Variants in GRK5 observed in about 807,000 individuals in gnomAD.
The protein encoded by GRK5 is G protein-coupled receptor kinase 5.
A neutral mutation model predicts 78.4 loss-of-function variants in GRK5; 40 were observed. That is an observed-to-expected ratio of 0.51 (90% CI 0.40 to 0.66). The LOEUF (loss-of-function observed/expected upper bound fraction) is 0.66, where lower values mean the gene tolerates loss of function less well. Ranked by LOEUF, GRK5 falls within the 30% of genes least tolerant of loss-of-function variation. The pLI is 0.00. For synonymous variants in GRK5, 289 were observed against 296.8 expected, an observed-to-expected ratio of 0.97 and a Z score of 0.27; for missense variants, 598 against 759.9, an observed-to-expected ratio of 0.79 and a Z score of 2.50.
chr10:119,425,681 G>A (rs114208434), intron 6 of GRK5, among the ~76,000 whole-genome samples: 26 of 152,332 alleles, frequency 1.7e-4, no homozygotes, highest in Non-Finnish European at 2.4e-4. Flanking sequence ...TGCTGTTCTC[G>A]TCTTTTCCTA....
intron 2 of GRK5, among the ~76,000 whole-genome samples, chr10:119,335,173 T>TCTCTCTCTCTCTCTCTCC (rs1850857396): frequency 8.1e-6 from 1 of 123,698 alleles, no homozygotes; most frequent in Non-Finnish European, 1.7e-5. Flanking sequence ...TCTCTCTCTC[T>TCTCTCTCTCTCTCTCTCC]CTCCCCCTCT....
intron 4 of GRK5, among the ~76,000 whole-genome samples, chr10:119,416,136 T>C (rs1204387056): frequency 6.6e-6 from 1 of 152,184 alleles, no homozygotes; most frequent in Non-Finnish European, 1.5e-5. Context: ...GTACAACTGA[T>C]TCCATCTCCA....
intron 1 of GRK5, among the ~76,000 whole-genome samples, chr10:119,230,305 G>A (rs888013967): frequency 1.3e-5 from 2 of 152,048 alleles, no homozygotes; most frequent in Non-Finnish European, 1.5e-5. Context: ...AGGCAATATG[G>A]TAAGACCCAT....
chr10:119,385,707 A>G (rs1258427354), intron 3 of GRK5, among the ~76,000 whole-genome samples: 1 of 152,160 alleles, frequency 6.6e-6, no homozygotes, highest in African/African-American at 2.4e-5. Context: ...TGGAGTAAGG[A>G]TGAGGCTGCA....
At chr10:119,299,160 C>T (rs758605886) in intron 1 of GRK5, among the ~76,000 whole-genome samples, 2 of 152,142 alleles carry the variant, frequency 1.3e-5, no homozygotes, top group Admixed American at 6.5e-5. Flanking sequence ...AATTATCTTT[C>T]GGCCAGGCGC....
intron 2 of GRK5, among the ~76,000 whole-genome samples, chr10:119,331,032 C>T (rs1850767895): frequency 6.6e-6 from 1 of 152,184 alleles, no homozygotes; most frequent in African/African-American, 2.4e-5. Context: ...TGTCCCTCAG[C>T]TTCCAGTCTG....
intron 1 of GRK5, among the ~76,000 whole-genome samples, chr10:119,292,229 T>C (rs1323243516): frequency 3.8e-3 from 264 of 69,996 alleles, no homozygotes; most frequent in Middle Eastern, 0.017. Context: ...TCTTCCTCCT[T>C]CTCCTCCTAT....
intron 8 of GRK5, among the ~76,000 whole-genome samples, chr10:119,434,933 C>T (rs921129625): frequency 5.3e-5 from 8 of 152,244 alleles, no homozygotes; most frequent in South Asian, 2.1e-4. Flanking sequence ...GAAATCTAGG[C>T]GGAGGTTCCC....
At chr10:119,214,276 C>G (rs1432271256) in intron 1 of GRK5, among the ~76,000 whole-genome samples, 1 of 152,044 alleles carries the variant, frequency 6.6e-6, no homozygotes, top group African/African-American at 2.4e-5. Flanking sequence ...CACTCAGTCT[C>G]TTTTGATGTT....
chr10:119,325,369 G>A (rs1303172911), intron 1 of GRK5, among the ~76,000 whole-genome samples: 6 of 152,180 alleles, frequency 3.9e-5, no homozygotes, highest in African/African-American at 1.4e-4. Flanking sequence ...GGCTGGGAGA[G>A]GGCTGGAGCT....
At chr10:119,370,349 A>T (rs1276076679) in intron 2 of GRK5, among the ~76,000 whole-genome samples, 1 of 152,174 alleles carries the variant, frequency 6.6e-6, no homozygotes, top group Non-Finnish European at 1.5e-5. Context: ...TGGGCTTAAT[A>T]ATTTCGATCC....
At chr10:119,235,069 A>G (rs1334751857) in intron 1 of GRK5, among the ~76,000 whole-genome samples, 1 of 151,812 alleles carries the variant, frequency 6.6e-6, no homozygotes, top group Non-Finnish European at 1.5e-5. Flanking sequence ...CTGCCTTCCC[A>G]GGCTTGGGTG....
intron 1 of GRK5, among the ~76,000 whole-genome samples, chr10:119,286,164 C>A (rs191105721): frequency 6.6e-6 from 1 of 150,672 alleles, no homozygotes; most frequent in South Asian, 2.1e-4. Context: ...CATTATGAAG[C>A]GTTTCAAATG....
intron 3 of GRK5, among the ~76,000 whole-genome samples, chr10:119,395,035 G>A (rs1489869903): frequency 6.8e-6 from 1 of 147,044 alleles, no homozygotes; most frequent in Non-Finnish European, 1.5e-5. Context: ...GACCTCTGGG[G>A]AGAGGCTCTG....
At chr10:119,411,048 G>T (rs781041924) in intron 4 of GRK5, among the ~76,000 whole-genome samples, 1 of 151,872 alleles carries the variant, frequency 6.6e-6, no homozygotes, top group African/African-American at 2.4e-5. Flanking sequence ...CAGGGAACCC[G>T]TATGGCTGAT....
In GRK5 at chr10:119,310,847, G is replaced by C. The variant is rs73445481; in HGVS notation, c.53-15669G>C. Reference sequence around the variant, plus strand: ...GTTATTAAGCCAATTGGGAAACTGTGGTTCAGAGAGGTTGGGGAAGTGGCC... The same window carrying C: ...GTTATTAAGCCAATTGGGAAACTGTCGTTCAGAGAGGTTGGGGAAGTGGCC... On this transcript the variant is annotated intron_variant, in intron 1 of 15. Coordinates refer to ENST00000392870, the MANE Select transcript of GRK5 (RefSeq NM_005308.3). 5.9e-3 allele frequency among the ~76,000 whole-genome samples: 891 copies of C among 152,304 alleles called. 8 individuals carry two copies. The highest frequency in any genetic ancestry group is 0.02 in the African/African-American group (842 of 41,556).
chr10:119,307,158 G>A (rs898011749), intron 1 of GRK5, among the ~76,000 whole-genome samples: 23 of 152,090 alleles, frequency 1.5e-4, no homozygotes, highest in South Asian at 2.1e-4. Context: ...TGTGGTTACA[G>A]AGGAGCCAGT....
chr10:119,430,405 G>T lies in GRK5; in HGVS notation c.564G>T (p.Gln188His), dbSNP rs1460272093. 1.9e-6 allele frequency: 3 copies of T among 1,613,468 alleles called. No individual in the cohort carries two copies. Among genetic ancestry groups the T allele is most frequent in the South Asian group, 2.2e-5 (2 of 90,882 alleles). Residue 188 changes from glutamine to histidine, a missense_variant, in exon 7 of 16, where the codon CAG becomes CAT. Coordinates refer to ENST00000392870, the MANE Select transcript of GRK5 (RefSeq NM_005308.3). The surrounding 1 kb of genome is among the most constrained non-coding windows in gnomAD (Gnocchi z 4.5). ...RQPVTKNTFRQYRVLGKGGFG... is the reference protein window; with the variant it reads ...RQPVTKNTFRHYRVLGKGGFG... Reference sequence around the variant, plus strand: ...CGGTGACCAAAAACACTTTCAGGCAGTATCGAGTGCTAGGAAAAGGGGGCT... The same window carrying T: ...CGGTGACCAAAAACACTTTCAGGCATTATCGAGTGCTAGGAAAAGGGGGCT...
intron 3 of GRK5, among the ~76,000 whole-genome samples, chr10:119,394,391 T>TGG (rs1851979487): frequency 1.1e-5 from 1 of 92,462 alleles, no homozygotes; most frequent in Non-Finnish European, 2.4e-5. Flanking sequence ...TGTGTATCTG[T>TGG]GTCTGTGTGT....
Sources: allele counts gnomAD v4.1 joint callset (sites outside exome capture counted in the v4.1 genomes callset), GRCh38; gene constraint gnomAD v4.1.1; non-coding constraint Gnocchi (gnomAD v3.1); transcripts MANE v1.5; gene names NCBI Gene and HGNC (gene_info 2026-07-23, HGNC 2026-07-21).